Variants in CDKAL1 observed in about 807,000 individuals in gnomAD.
CDKAL1 encodes the protein CDKAL1 threonylcarbamoyladenosine tRNA methylthiotransferase, also known as threonylcarbamoyladenosine tRNA methylthiotransferase.
CDKAL1 carries 32 observed loss-of-function variants against 68.2 expected under a neutral mutation model. The ratio of observed to expected loss-of-function variants is 0.47; its 90% CI spans 0.35 to 0.63. The LOEUF (loss-of-function observed/expected upper bound fraction) is 0.63, where lower values mean the gene tolerates loss of function less well. Among genes scored for constraint, CDKAL1 ranks in the 30% least tolerant of loss-of-function variants. The pLI is 0.00. For missense variants in CDKAL1, 606 were observed against 696.7 expected (o/e 0.87, Z 1.47); for synonymous variants, 234 against 244.3 (o/e 0.96, Z 0.39).
At chr6:21,184,409 G>A (rs1777922750) in intron 13 of CDKAL1, among the ~76,000 whole-genome samples, 1 of 152,034 alleles carries the variant, frequency 6.6e-6, no homozygotes, top group Non-Finnish European at 1.5e-5. Context: ...TGGCCAGGCT[G>A]GTCTCTAACT....
At chr6:20,977,291 A>G (rs935858577) in intron 10 of CDKAL1, among the ~76,000 whole-genome samples, 2 of 152,200 alleles carry the variant, frequency 1.3e-5, no homozygotes, top group African/African-American at 4.8e-5. Context: ...TAGATATATG[A>G]TAGCAGATTA....
intron 8 of CDKAL1, among the ~76,000 whole-genome samples, chr6:20,830,611 G>A (rs1320906869): frequency 6.6e-6 from 1 of 152,104 alleles, no homozygotes; most frequent in Non-Finnish European, 1.5e-5. Context: ...CATGGGTAAT[G>A]TTCTACCACT....
intron 13 of CDKAL1, among the ~76,000 whole-genome samples, chr6:21,167,014 A>T (rs746924206): frequency 2.0e-5 from 3 of 152,192 alleles, no homozygotes; most frequent in Non-Finnish European, 4.4e-5. Flanking sequence ...CAGTTTCCTT[A>T]TCTGTGTCCT....
intron 4 of CDKAL1, among the ~76,000 whole-genome samples, chr6:20,551,590 T>A (rs903605132): frequency 2.0e-5 from 3 of 151,960 alleles, no homozygotes; most frequent in African/African-American, 4.8e-5. Flanking sequence ...CAGGATGGTC[T>A]CGATCCCTTG....
At chr6:20,606,593 G>A (rs889721916) in intron 4 of CDKAL1, among the ~76,000 whole-genome samples, 1 of 152,188 alleles carries the variant, frequency 6.6e-6, no homozygotes. Context: ...TTGAAGCACA[G>A]TATTCCTAAG....
At chr6:21,112,973 C>A (rs564792154) in intron 13 of CDKAL1, among the ~76,000 whole-genome samples, 77 of 152,206 alleles carry the variant, frequency 5.1e-4, no homozygotes, top group African/African-American at 1.8e-3. Context: ...AAAACACAGT[C>A]AACACTAATA....
chr6:20,837,459 C>T (rs1320149282), intron 8 of CDKAL1, among the ~76,000 whole-genome samples: 5 of 152,032 alleles, frequency 3.3e-5, no homozygotes, highest in Non-Finnish European at 7.4e-5. Flanking sequence ...ACTGAGAGAA[C>T]AAAAACAATA....
At chr6:20,647,169 A>G (rs1416005891) in intron 4 of CDKAL1, among the ~76,000 whole-genome samples, 3 of 152,202 alleles carry the variant, frequency 2.0e-5, no homozygotes, top group African/African-American at 4.8e-5. Flanking sequence ...GTCATTTGAA[A>G]TTCAACATTC....
At chr6:20,576,054 A>G (rs1417377190) in intron 4 of CDKAL1, among the ~76,000 whole-genome samples, 1 of 152,228 alleles carries the variant, frequency 6.6e-6, no homozygotes, top group African/African-American at 2.4e-5. Flanking sequence ...ATAGACATAT[A>G]TATGTAAGGA....
At chr6:21,110,718 G>A (rs1480103288) in intron 13 of CDKAL1, among the ~76,000 whole-genome samples, 1 of 152,160 alleles carries the variant, frequency 6.6e-6, no homozygotes, top group Admixed American at 6.5e-5. Context: ...CAGCACTCTG[G>A]GAGTCTGAAG....
At chr6:21,044,792 C>T (rs576383690) in intron 11 of CDKAL1, among the ~76,000 whole-genome samples, 2 of 107,286 alleles carry the variant, frequency 1.9e-5, no homozygotes, top group South Asian at 3.1e-4. Flanking sequence ...TTGATGTCTC[C>T]GTGTCTTAAT....
intron 4 of CDKAL1, among the ~76,000 whole-genome samples, chr6:20,614,013 A>C (rs1374080810): frequency 1.3e-5 from 2 of 152,240 alleles, no homozygotes; most frequent in East Asian, 3.9e-4. Context: ...CCATCTGATG[A>C]ATGAAAAATG....
rs141080599 is a variant in CDKAL1, at chr6:20,726,427, G to C, written c.372-13092G>C. Among the ~76,000 whole-genome samples the C allele has an allele frequency of 3.4e-4, 52 of 152,306 alleles. No individual in the cohort carries two copies. In the East Asian group the frequency reaches 9.4e-3, roughly 28 times the overall value. On this transcript the variant is annotated intron_variant, in intron 5 of 15. Coordinates refer to ENST00000274695, the MANE Select transcript of CDKAL1 (RefSeq NM_017774.3). Reference sequence around the variant, plus strand: ...AACTGTAACCAAGCGACCTTGGGCAGATGTTCTCAGGACCTCTTGAGACTG... The same window carrying C: ...AACTGTAACCAAGCGACCTTGGGCACATGTTCTCAGGACCTCTTGAGACTG...
At chr6:20,756,414 A>G (rs1581517789) in intron 6 of CDKAL1, among the ~76,000 whole-genome samples, 2 of 152,340 alleles carry the variant, frequency 1.3e-5, no homozygotes, top group South Asian at 4.1e-4. Context: ...TGTTAAATCA[A>G]ACATATTCAT....
intron 13 of CDKAL1, among the ~76,000 whole-genome samples, chr6:21,129,682 C>CAA (rs34802727): frequency 0.16 from 10,860 of 66,862 alleles, 379 homozygotes; most frequent in East Asian, 0.26. Flanking sequence ...TGCAGTTTAC[C>CAA]AAAAAAAAAA....
At chr6:20,719,205 G>C (rs1772232072) in intron 5 of CDKAL1, among the ~76,000 whole-genome samples, 1 of 152,194 alleles carries the variant, frequency 6.6e-6, no homozygotes, top group Non-Finnish European at 1.5e-5. Flanking sequence ...ATGGGCAGAT[G>C]AGTTCTGTGT....
chr6:20,991,651 G>A (rs920847268), intron 10 of CDKAL1, among the ~76,000 whole-genome samples: 1 of 139,546 alleles, frequency 7.2e-6, no homozygotes, highest in East Asian at 2.1e-4. Context: ...AGGTTGCAGC[G>A]AACGGAGATT....
intron 4 of CDKAL1, among the ~76,000 whole-genome samples, chr6:20,616,605 T>A (rs1766915308): frequency 6.7e-6 from 1 of 148,442 alleles, no homozygotes; most frequent in Non-Finnish European, 1.5e-5. Context: ...TGTATAAGAA[T>A]GCTTGTGATT....
At chr6:20,741,953 C>T (rs1384331734) in intron 6 of CDKAL1, among the ~76,000 whole-genome samples, 1 of 152,142 alleles carries the variant, frequency 6.6e-6, no homozygotes, top group Non-Finnish European at 1.5e-5. Flanking sequence ...CCCTTTTCTC[C>T]ACAGTCTTGC....
Sources: gnomAD v4.1 joint callset for allele counts (sites outside exome capture counted in the v4.1 genomes callset) on GRCh38, gnomAD v4.1.1 for gene constraint, MANE v1.5 for transcripts, NCBI Gene and HGNC (gene_info 2026-07-23, HGNC 2026-07-21) for gene names.